Variants in MROH2B observed in about 807,000 individuals in gnomAD.
MROH2B encodes maestro heat-like repeat-containing protein family member 2B.
Under a neutral mutation model 208.6 loss-of-function variants are expected in MROH2B, and 177 were observed. The ratio of observed to expected loss-of-function variants is 0.85; its 90% CI spans 0.75 to 0.96. The LOEUF is 0.96. Ranked by LOEUF, MROH2B falls within the 40% of genes least tolerant of loss-of-function variation. The pLI is 0.00. For missense variants in MROH2B, 2,002 were observed against 1,878.7 expected (o/e 1.07, Z -1.21); for synonymous variants, 728 against 659.0 (o/e 1.10, Z -1.60).
At chr5:41,057,649 C>T (rs1422967967) in intron 7 of MROH2B, among the ~76,000 whole-genome samples, 1 of 144,702 alleles carries the variant, frequency 6.9e-6, no homozygotes, top group Non-Finnish European at 1.5e-5. Context: ...CTCCGCCTCT[C>T]GGGTTCAAGC....
intron 3 of MROH2B, 113 bp downstream of exon 3, chr5:41,066,995 A>C (rs1743832529): frequency 5.8e-6 from 4 of 690,638 alleles, no homozygotes; most frequent in Non-Finnish European, 1.0e-5. Context: ...ACCACAAAGA[A>C]CAAATACAAG....
chr5:41,059,047 CAAAAAAA>C (rs1171278919), intron 6 of MROH2B, among the ~76,000 whole-genome samples: 3 of 73,210 alleles, frequency 4.1e-5, no homozygotes, highest in African/African-American at 1.1e-4. Context: ...GACTCCATCT[CAAAAAAA>C]AAAAAAAAAA....
At chr5:41,014,014 T>G (rs1342895470) in intron 29 of MROH2B, among the ~76,000 whole-genome samples, 1 of 152,124 alleles carries the variant, frequency 6.6e-6, no homozygotes, top group Non-Finnish European at 1.5e-5. Flanking sequence ...CCCTCAGAAA[T>G]GTAAGTCTGG....
chr5:41,038,843 C>T lies in MROH2B; in HGVS notation c.2107G>A (p.Val703Ile). The T allele has an allele frequency of 6.2e-7, 1 of 1,613,498 alleles. No homozygotes were observed. The highest frequency in any genetic ancestry group is 8.5e-7 in the Non-Finnish European group (1 of 1,179,678). Residue 703 changes from valine to isoleucine, a missense_variant, in exon 21 of 42, where the codon GTC (valine) becomes ATC (isoleucine). Transcript: ENST00000399564. ...KKSLTKTDVM[V>I]IYGAVALHAP... Reference sequence around the variant, plus strand: ...TGGAGGGCCACTGCTCCATAGATGACCATGACATCTGTCTTGGTCAGGCTC... The same window carrying T: ...TGGAGGGCCACTGCTCCATAGATGATCATGACATCTGTCTTGGTCAGGCTC...
intron 30 of MROH2B, 105 bp from the exon 31 acceptor site, chr5:41,010,184 T>C: frequency 9.7e-7 from 1 of 1,029,242 alleles, no homozygotes. Context: ...GAATTCTAAA[T>C]AATGTTAAAA....
rs144448493 is a variant in MROH2B, at chr5:41,015,264, C to T, written c.2982+117G>A. 1.9e-3 allele frequency: 1,617 copies of T among 831,540 alleles called. 10 individuals are homozygous for T. Among genetic ancestry groups the T allele is most frequent in the African/African-American group, 0.017 (1,015 of 58,486 alleles). The allele number at this position is 831,540 out of a possible 1,614,324, so 51.5% of individuals were successfully genotyped here. ...ACTCTAAGTTAGAAAATGACAGGAC[C>T]ACGGGTCCCTCATTCAGCTTGAATA... On this transcript the variant is annotated intron_variant, in intron 29 of 41. Coordinates refer to ENST00000399564, the MANE Select transcript of MROH2B (RefSeq NM_173489.5).
chr5:41,069,548 A>G (rs1743917842), intron 2 of MROH2B, 143 bp downstream of exon 2: 1 of 652,032 alleles, frequency 1.5e-6, no homozygotes, highest in South Asian at 1.8e-5. Context: ...AATGACTTTC[A>G]TTACAACTGC....
intron 38 of MROH2B, 88 bp from the exon 39 acceptor site, chr5:41,000,439 A>C: frequency 6.6e-6 from 10 of 1,513,662 alleles, no homozygotes; most frequent in Non-Finnish European, 8.9e-6. Context: ...CTGGGAAAGA[A>C]GCACTAAAAG....
intron 33 of MROH2B, 44 bp from the exon 34 acceptor site, chr5:41,007,498 A>G: frequency 2.1e-6 from 3 of 1,423,556 alleles, no homozygotes; most frequent in Non-Finnish European, 2.8e-6. Flanking sequence ...TGACCCTTAT[A>G]GGGAATTGCA....
intron 24 of MROH2B, among the ~76,000 whole-genome samples, chr5:41,029,314 A>C (rs776282855): frequency 4.2e-4 from 64 of 152,068 alleles, no homozygotes; most frequent in Admixed American, 6.6e-4. Flanking sequence ...TTTTTAAATC[A>C]GGTTATATAT....
rs769340730 is a variant in MROH2B, at chr5:41,065,439, C to T, written c.253G>A (p.Ala85Thr). Residue 85 changes from alanine (A) to threonine (T), a missense_variant, in exon 4 of 42, where the codon GCA becomes ACA. Coordinates refer to ENST00000399564, the MANE Select transcript of MROH2B (RefSeq NM_173489.5). The stretch of plus-strand genomic sequence containing the variant: ...TACATCACAGAGTTGAAATCATGTG[C>T]AGCAAGAGACACCAAAACCTCACCA... ...LAGEVLVSLA[A>T]HDFNSVMYEV... 53 of 1,613,408 alleles carry T rather than the reference C, an allele frequency of 3.3e-5. No homozygotes were observed. The highest frequency in any genetic ancestry group is 4.5e-5 in the Non-Finnish European group (53 of 1,179,640).
At chr5:41,068,374 T>C (rs1291130091) in intron 2 of MROH2B, among the ~76,000 whole-genome samples, 1 of 152,186 alleles carries the variant, frequency 6.6e-6, no homozygotes, top group African/African-American at 2.4e-5. Flanking sequence ...CTACCATTTA[T>C]GGAGCTCTCA....
intron 24 of MROH2B, among the ~76,000 whole-genome samples, chr5:41,020,751 A>G (rs551828419): frequency 6.6e-6 from 1 of 152,330 alleles, no homozygotes; most frequent in Non-Finnish European, 1.5e-5. Flanking sequence ...GATGAGACAT[A>G]TTTATATAAG....
At chr5:41,024,907 A>G (rs1332439662) in intron 24 of MROH2B, among the ~76,000 whole-genome samples, 1 of 152,234 alleles carries the variant, frequency 6.6e-6, no homozygotes, top group Non-Finnish European at 1.5e-5. Flanking sequence ...AACTACATGG[A>G]AACTGAAAAA....
intron 38 of MROH2B, 116 bp from the exon 39 acceptor site, chr5:41,000,467 T>A: frequency 7.2e-7 from 1 of 1,397,602 alleles, no homozygotes; most frequent in South Asian, 1.5e-5. Flanking sequence ...TGTGAATGGC[T>A]TTATAGTCAT....
chr5:41,000,394 A>C, intron 38 of MROH2B, 43 bp from the exon 39 acceptor site: 2 of 1,602,366 alleles, frequency 1.2e-6, no homozygotes, highest in Non-Finnish European at 1.7e-6. Context: ...GAACGTTAGG[A>C]TCTCCTTCCA....
chr5:41,032,993 G>A, intron 23 of MROH2B, 48 bp downstream of exon 23: 1 of 1,608,620 alleles, frequency 6.2e-7, no homozygotes. Context: ...CTGAACTCTT[G>A]GTAATGGAAT....
intron 24 of MROH2B, among the ~76,000 whole-genome samples, chr5:41,032,212 C>T (rs527993600): frequency 1.3e-5 from 2 of 152,082 alleles, no homozygotes; most frequent in African/African-American, 4.8e-5. Context: ...TAAGTGTTTC[C>T]TTTTCTCCAC....
At chr5:41,067,631 G>A (rs1006778658) in intron 2 of MROH2B, among the ~76,000 whole-genome samples, 1 of 152,168 alleles carries the variant, frequency 6.6e-6, no homozygotes, top group Non-Finnish European at 1.5e-5. Context: ...GTCTCCCAAA[G>A]TGCTGGGATT....
Sources: allele counts gnomAD v4.1 joint callset (sites outside exome capture counted in the v4.1 genomes callset), GRCh38; gene constraint gnomAD v4.1.1; transcripts MANE v1.5; gene names NCBI Gene and HGNC (gene_info 2026-07-23, HGNC 2026-07-21).